RPA2: variants seen among roughly 807,000 people sequenced by gnomAD.
The protein encoded by RPA2 is replication protein A 32 kDa subunit.
RPA2 carries 22 observed loss-of-function variants against 33.4 expected under a neutral mutation model. The observed-to-expected ratio is 0.66, with a 90% CI of 0.47 to 0.94. The LOEUF (loss-of-function observed/expected upper bound fraction) is 0.94. Among genes scored for constraint, RPA2 ranks in the 40% least tolerant of loss-of-function variants. RPA2 has a pLI of 0.00. For missense variants in RPA2, 279 were observed against 329.9 expected (o/e 0.85, Z 1.19); for synonymous variants, 109 against 114.9 (o/e 0.95, Z 0.33).
chr1:27,902,939 T>C (rs1012141785), intron 4 of RPA2, among the ~76,000 whole-genome samples: 4 of 152,208 alleles, frequency 2.6e-5, no homozygotes, highest in African/African-American at 9.7e-5. Flanking sequence ...ATGATTATTT[T>C]ATTTTTTTGA....
At position 27,892,084 on chromosome 1, in the gene RPA2, G is replaced by A; in HGVS notation, c.*79C>T. ...CTACTTCCTAGAAGCCCCCTGGCCA[G>A]ACATATGCAGAGCTGGAGACAACAG... On this transcript the variant is annotated 3_prime_UTR_variant, in exon 9 of 9. Coordinates refer to ENST00000373912, the MANE Select transcript of RPA2 (RefSeq NM_002946.5). 8.3e-7 allele frequency: 1 copy of A among 1,202,942 alleles called. No individual in the cohort carries two copies. Among genetic ancestry groups the A allele is most frequent in the Non-Finnish European group, 1.2e-6 (1 of 820,274 alleles). 74.5% of individuals were successfully genotyped at this position (1,202,942 alleles called of 1,614,324 possible). A position where few individuals can be genotyped will look rare whatever the true frequency, so the allele number is the denominator to read the frequency against.
chr1:27,892,816 A>G (rs1405803863), intron 8 of RPA2, among the ~76,000 whole-genome samples: 1 of 152,246 alleles, frequency 6.6e-6, no homozygotes. Flanking sequence ...GATAGGAATT[A>G]TTATCCTAAT....
intron 4 of RPA2, among the ~76,000 whole-genome samples, chr1:27,898,145 C>A (rs577852633): frequency 3.3e-5 from 5 of 151,962 alleles, no homozygotes; most frequent in African/African-American, 1.2e-4. Flanking sequence ...TACAGGCGCC[C>A]GCCACCACGC....
intron 4 of RPA2, among the ~76,000 whole-genome samples, chr1:27,901,280 A>T (rs1038066567): frequency 6.6e-6 from 1 of 152,210 alleles, no homozygotes; most frequent in African/African-American, 2.4e-5. Flanking sequence ...ACAGTGAGGC[A>T]AGAATGTCCA....
intron 4 of RPA2, among the ~76,000 whole-genome samples, chr1:27,900,773 T>C (rs532802869): frequency 6.6e-6 from 1 of 152,252 alleles, no homozygotes; most frequent in African/African-American, 2.4e-5. Context: ...CAAGTGATTC[T>C]CCTGCCTCAC....
intron 6 of RPA2, among the ~76,000 whole-genome samples, chr1:27,896,513 C>T (rs145293079): frequency 1.3e-4 from 20 of 152,158 alleles, no homozygotes; most frequent in African/African-American, 4.6e-4. Context: ...TTGCATGGTC[C>T]TAGATGGACT....
intron 5 of RPA2, 106 bp from the exon 6 acceptor site, chr1:27,897,227 T>A: frequency 1.3e-6 from 1 of 768,608 alleles, no homozygotes. Context: ...TTCACCAATA[T>A]GAGAAAAATG....
At chr1:27,897,596 C>CA (rs1484193889) in intron 5 of RPA2, 37 bp downstream of exon 5, 1 of 1,496,478 alleles carries the variant, frequency 6.7e-7, no homozygotes, top group Non-Finnish European at 9.1e-7. Flanking sequence ...CTGCTTCATG[C>CA]AAAAACACTT....
Position 27,899,782 on chromosome 1 carries a change from A to G in RPA2, c.334-2075T>C, listed in dbSNP as rs28904880. Among the ~76,000 whole-genome samples, 308 of 151,966 alleles carry G rather than the reference A, an allele frequency of 2.0e-3. 2 individuals are homozygous for G. Among genetic ancestry groups the G allele is most frequent in the Middle Eastern group, 0.01 (3 of 294 alleles). ...TGCAAGCTCCGCCTTATGGGTTCAC[A>G]CCATTCTCCTGCCTCAGCCTCCCTA... On this transcript the variant is annotated intron_variant, in intron 4 of 8. Transcript: ENST00000373912.
chr1:27,897,734 A>C, intron 4 of RPA2, 27 bp from the exon 5 acceptor site: 1 of 1,518,152 alleles, frequency 6.6e-7, no homozygotes, highest in Non-Finnish European at 9.0e-7. Flanking sequence ...ACATGTCATT[A>C]AAGTTTTAGT....
At position 27,911,664 on chromosome 1, in the gene RPA2, A is replaced by G. The variant is rs139888802; in HGVS notation, c.117+2399T>C. The stretch of plus-strand genomic sequence containing the variant: ...TCAGATGTTGGATTTGTTCAGCATC[A>G]TGTGCGTACTGTCTGATTCTAGTTC... On this transcript the variant is annotated intron_variant, in intron 2 of 8. Coordinates refer to ENST00000373912, the MANE Select transcript of RPA2 (RefSeq NM_002946.5). Among the ~76,000 whole-genome samples the G allele has an allele frequency of 5.0e-3, 768 of 152,302 alleles. 11 individuals are homozygous for G. Among genetic ancestry groups the G allele is most frequent in the African/African-American group, 0.017 (720 of 41,554 alleles).
At chr1:27,900,105 A>G (rs1313885505) in intron 4 of RPA2, among the ~76,000 whole-genome samples, 2 of 152,150 alleles carry the variant, frequency 1.3e-5, no homozygotes, top group Admixed American at 6.6e-5. Flanking sequence ...CACCGAACCC[A>G]GCTGAGATTT....
At chr1:27,904,931 CGT>C (rs765030597) in intron 4 of RPA2, among the ~76,000 whole-genome samples, 1 of 152,112 alleles carries the variant, frequency 6.6e-6, no homozygotes, top group Non-Finnish European at 1.5e-5. Context: ...GGATTACGGG[CGT>C]GAGTCACCAT....
intron 4 of RPA2, among the ~76,000 whole-genome samples, chr1:27,898,748 G>T (rs756748311): frequency 6.6e-6 from 1 of 151,870 alleles, no homozygotes; most frequent in Admixed American, 6.6e-5. Context: ...TAGTAGAGAC[G>T]GGGTTTCCCC....
In RPA2 at chr1:27,914,490, G is replaced by C; in HGVS notation, c.-47C>G. 1.3e-6 allele frequency: 2 copies of C among 1,593,456 alleles called. No individual in the cohort carries two copies. Among genetic ancestry groups the C allele is most frequent in the Non-Finnish European group, 1.7e-6 (2 of 1,169,926 alleles). ...AGAGGCCGAGAAGGTGCGGGTCTGG[G>C]GGAATAGCGGAAAACCACAGAACGC... On this transcript the variant is annotated 5_prime_UTR_variant, in exon 1 of 9. Coordinates refer to ENST00000373912, the MANE Select transcript of RPA2 (RefSeq NM_002946.5).
chr1:27,895,599 T>C lies in RPA2; in HGVS notation c.526-1202A>G, dbSNP rs377318423. Among the ~76,000 whole-genome samples the C allele has an allele frequency of 8.5e-4, 129 of 151,130 alleles. 2 individuals carry two copies. In the East Asian group the frequency reaches 0.02, roughly 23 times the overall value. ...GTGTGGTGGCAGCCGGGTGTGGTGG[T>C]GGGCGCCTGTGGTCCCAGCTACTCG... On this transcript the variant is annotated intron_variant, in intron 6 of 8. Transcript: ENST00000373912.
At position 27,907,212 on chromosome 1, in the gene RPA2, A is replaced by G; in HGVS notation, c.188T>C (p.Val63Ala). 6.2e-7 allele frequency: 1 copy of G among 1,614,072 alleles called. No homozygotes were observed. The highest frequency in any genetic ancestry group is 8.5e-7 in the Non-Finnish European group (1 of 1,179,978). The stretch of plus-strand genomic sequence containing the variant: ...AATCTCAACATTCCCAATTCTGAAC[A>G]CTTCATCAACCAAAGTGGCAGAAAG... ...QLLSATLVDEVFRIGNVEISQ... is the reference protein window; with the variant it reads ...QLLSATLVDEAFRIGNVEISQ... Residue 63 changes from valine (V) to alanine (A), a missense_variant, in exon 3 of 9, where the codon GTG becomes GCG. Val to Ala is a moderately conservative substitution (Grantham distance 64). Coordinates refer to ENST00000373912, the MANE Select transcript of RPA2 (RefSeq NM_002946.5).
intron 4 of RPA2, among the ~76,000 whole-genome samples, chr1:27,902,131 G>C (rs915363353): frequency 2.6e-5 from 4 of 151,910 alleles, no homozygotes; most frequent in African/African-American, 9.7e-5. Flanking sequence ...CTGATGCCCA[G>C]GCTAGAGGGC....
chr1:27,899,375 G>A (rs1216630973), intron 4 of RPA2, among the ~76,000 whole-genome samples: 1 of 151,774 alleles, frequency 6.6e-6, no homozygotes, highest in Non-Finnish European at 1.5e-5. Context: ...TGTGGTGGTG[G>A]GTGCCTGTAG....
Sources: gnomAD v4.1 joint callset for allele counts (sites outside exome capture counted in the v4.1 genomes callset) on GRCh38, gnomAD v4.1.1 for gene constraint, MANE v1.5 for transcripts, NCBI Gene and HGNC (gene_info 2026-07-23, HGNC 2026-07-21) for gene names.